The following SLC41A2 variants were observed in gnomAD, a reference collection of about 807,000 sequenced individuals.
SLC41A2 encodes SLC41A1-like 1.
A neutral mutation model predicts 58.3 loss-of-function variants in SLC41A2; 32 were observed. The observed-to-expected ratio is 0.55, with a 90% CI of 0.41 to 0.74. The LOEUF (loss-of-function observed/expected upper bound fraction) is 0.74, where lower values mean the gene tolerates loss of function less well. Among genes scored for constraint, SLC41A2 ranks in the 30% least tolerant of loss-of-function variants. The pLI, the probability that SLC41A2 is intolerant of heterozygous loss-of-function variation, is 0.00. For missense variants in SLC41A2, 514 were observed against 680.6 expected (o/e 0.76, Z 2.72); for synonymous variants, 190 against 235.0 (o/e 0.81, Z 1.75).
At chr12:104,955,756 G>GT (rs56954607) in intron 1 of SLC41A2, among the ~76,000 whole-genome samples, 50 of 144,836 alleles carry the variant, frequency 3.5e-4, no homozygotes, top group African/African-American at 5.3e-4. Context: ...CTTTTTAGTG[G>GT]TTTTTTTTTT....
intron 10 of SLC41A2, among the ~76,000 whole-genome samples, chr12:104,806,870 G>C (rs533499605): frequency 1.3e-5 from 2 of 152,242 alleles, no homozygotes; most frequent in East Asian, 1.9e-4. Flanking sequence ...CTTCTTTTGA[G>C]AAGTGTCTGT....
intron 10 of SLC41A2, among the ~76,000 whole-genome samples, chr12:104,817,014 C>A (rs971568764): frequency 6.6e-6 from 1 of 152,194 alleles, no homozygotes; most frequent in Non-Finnish European, 1.5e-5. Context: ...AATTTCATCA[C>A]CGTGCAAACA....
chr12:104,814,596 T>A (rs1466718), intron 10 of SLC41A2, among the ~76,000 whole-genome samples: 87,995 of 151,730 alleles, frequency 0.58, 25,929 homozygotes, highest in African/African-American at 0.66. Flanking sequence ...TGTTACTGTC[T>A]ACAAGTGAAA....
intron 5 of SLC41A2, among the ~76,000 whole-genome samples, chr12:104,888,811 T>C (rs1372739465): frequency 6.6e-6 from 1 of 152,134 alleles, no homozygotes; most frequent in Non-Finnish European, 1.5e-5. Context: ...TAACGGAGTA[T>C]CCAAGGCCAG....
intron 8 of SLC41A2, among the ~76,000 whole-genome samples, chr12:104,860,444 T>C (rs1259129680): frequency 6.6e-6 from 1 of 150,458 alleles, no homozygotes; most frequent in Non-Finnish European, 1.5e-5. Context: ...CAGAAGCCGG[T>C]AGACTGGATT....
chr12:104,842,477 T>C (rs2136323088), intron 10 of SLC41A2, among the ~76,000 whole-genome samples: 1 of 152,238 alleles, frequency 6.6e-6, no homozygotes, highest in Non-Finnish European at 1.5e-5. Context: ...CTGAAATCAA[T>C]GACACACCAT....
At chr12:104,906,769 G>A (rs1343437735) in intron 3 of SLC41A2, among the ~76,000 whole-genome samples, 1 of 152,034 alleles carries the variant, frequency 6.6e-6, no homozygotes, top group Non-Finnish European at 1.5e-5. Context: ...TGCTTAAAAA[G>A]CATGTTAAAA....
At chr12:104,927,943 C>T (rs1469955814) in intron 2 of SLC41A2, 30 bp downstream of exon 2, 2 of 1,513,870 alleles carry the variant, frequency 1.3e-6, no homozygotes, top group Non-Finnish European at 1.8e-6. Context: ...CAAAAAAAGA[C>T]AGTAAAGTTA....
intron 8 of SLC41A2, among the ~76,000 whole-genome samples, chr12:104,857,510 C>T (rs1180406699): frequency 6.6e-6 from 1 of 152,208 alleles, no homozygotes; most frequent in East Asian, 1.9e-4. Context: ...TGGGTATACA[C>T]CCAAAGGATT....
chr12:104,883,918 T>C (rs2044518287), intron 6 of SLC41A2, among the ~76,000 whole-genome samples: 1 of 152,234 alleles, frequency 6.6e-6, no homozygotes, highest in Non-Finnish European at 1.5e-5. Context: ...TTCTGCTGCC[T>C]TTTATTCAGC....
chr12:104,857,980 C>T (rs553468369), intron 8 of SLC41A2, among the ~76,000 whole-genome samples: 1 of 151,856 alleles, frequency 6.6e-6, no homozygotes, highest in South Asian at 2.1e-4. Context: ...TGCACATGTA[C>T]CCTAGAACTT....
chr12:104,847,290 G>A (rs985057311), intron 8 of SLC41A2, among the ~76,000 whole-genome samples: 1 of 151,860 alleles, frequency 6.6e-6, no homozygotes, highest in Admixed American at 6.6e-5. Context: ...GGATAAAGAC[G>A]AACATCGAAT....
chr12:104,827,780 C>A (rs915116382), intron 10 of SLC41A2, among the ~76,000 whole-genome samples: 1 of 152,096 alleles, frequency 6.6e-6, no homozygotes, highest in Non-Finnish European at 1.5e-5. Context: ...AAAACAGTGC[C>A]CCCTGTCGTC....
chr12:104,839,420 A>G (rs2042325870), intron 10 of SLC41A2, among the ~76,000 whole-genome samples: 1 of 152,076 alleles, frequency 6.6e-6, no homozygotes, highest in Non-Finnish European at 1.5e-5. Context: ...AAGAATAATG[A>G]GATTTGAATA....
In SLC41A2 at chr12:104,804,887, T is replaced by C. The variant is rs779275243; in HGVS notation, c.*265A>G. 8.3e-5 allele frequency: 21 copies of C among 251,916 alleles called. No homozygotes were observed. The highest frequency in any genetic ancestry group is 1.4e-4 in the Non-Finnish European group (19 of 132,160). 15.6% of individuals were successfully genotyped at this position (251,916 alleles called of 1,614,324 possible). The stretch of plus-strand genomic sequence containing the variant: ...ATTCACTGTAAACATCCTATATTCT[T>C]TCCTAATTAATTTCAGAGCTGGAAC... On this transcript the variant is annotated 3_prime_UTR_variant, in exon 11 of 11. Coordinates refer to ENST00000258538, the MANE Select transcript of SLC41A2 (RefSeq NM_001352171.3).
intron 3 of SLC41A2, among the ~76,000 whole-genome samples, chr12:104,909,156 A>G (rs1380762454): frequency 6.6e-6 from 1 of 152,244 alleles, no homozygotes; most frequent in African/African-American, 2.4e-5. Context: ...ATGCATTTAC[A>G]TTATGATATA....
chr12:104,917,480 TA>T (rs1178108356), intron 2 of SLC41A2, among the ~76,000 whole-genome samples: 3 of 152,062 alleles, frequency 2.0e-5, no homozygotes, highest in Admixed American at 1.3e-4. Flanking sequence ...ACTGGGTATA[TA>T]CCCAAAGGAC....
chr12:104,817,460 A>C (rs546850378), intron 10 of SLC41A2, among the ~76,000 whole-genome samples: 1 of 152,292 alleles, frequency 6.6e-6, no homozygotes, highest in Non-Finnish European at 1.5e-5. Context: ...AAATTTTTTA[A>C]TTGTTTTTTA....
chr12:104,873,685 A>T (rs1038929023), intron 6 of SLC41A2, among the ~76,000 whole-genome samples: 1 of 152,178 alleles, frequency 6.6e-6, no homozygotes, highest in East Asian at 1.9e-4. Context: ...CCTTGCCAAC[A>T]CTTGTTATCT....
Sources: gnomAD v4.1 joint callset for allele counts (sites outside exome capture counted in the v4.1 genomes callset) on GRCh38, gnomAD v4.1.1 for gene constraint, MANE v1.5 for transcripts, NCBI Gene and HGNC (gene_info 2026-07-23, HGNC 2026-07-21) for gene names.